Variants in NOM1 observed in about 807,000 individuals in gnomAD.
The protein encoded by NOM1 is nucleolar MIF4G domain-containing protein 1.
In NOM1, 58 loss-of-function variants were observed where a neutral mutation model predicts 73.3. The observed-to-expected ratio is 0.79, with a 90% CI of 0.64 to 0.99. The LOEUF is 0.99. Ranked by LOEUF, NOM1 falls within the 50% of genes least tolerant of loss-of-function variation. The pLI is 0.00. For synonymous variants in NOM1, 487 were observed against 446.8 expected (o/e 1.09, Z -1.14); for missense variants, 1,226 against 1,131.9 (o/e 1.08, Z -1.19).
At chr7:156,967,542 TC>T (rs55907527) in intron 9 of NOM1, among the ~76,000 whole-genome samples, 6 of 151,324 alleles carry the variant, frequency 4.0e-5, no homozygotes, top group Non-Finnish European at 7.4e-5. Flanking sequence ...TCTTTTTTCT[TC>T]CCCCCCCAAG....
chr7:156,960,624 A>G (rs1804841014), intron 4 of NOM1, among the ~76,000 whole-genome samples: 1 of 152,132 alleles, frequency 6.6e-6, no homozygotes. Flanking sequence ...GAACCCGAAA[A>G]GGGTTAGTTT....
chr7:156,954,374 G>C, intron 3 of NOM1, 76 bp downstream of exon 3: 1 of 1,263,536 alleles, frequency 7.9e-7, no homozygotes, highest in Non-Finnish European at 1.1e-6. Context: ...TGATAAGTGC[G>C]TAATTGTGTG....
At chr7:156,954,542 T>TTTTTTTTTTTTTTTTTTA (rs1804674874) in intron 3 of NOM1, among the ~76,000 whole-genome samples, 1 of 70,074 alleles carries the variant, frequency 1.4e-5, no homozygotes. Flanking sequence ...TTTTTTTTTT[T>TTTTTTTTTTTTTTTTTTA]GAGACAGGGT....
chr7:156,960,089 A>G lies in NOM1; in HGVS notation c.1547A>G (p.Asp516Gly), dbSNP rs774262034. ...LKNVGFSLRK[D>G]DALSLKELIT... is the part of the protein sequence containing the mutation. ...AACGTGGGTTTTTCATTGAGGAAAG[A>G]TGATGCTTTATCACTTAAGGAATTG... Residue 516 changes from aspartate (D) to glycine (G), a missense_variant, in exon 4 of 11, where the codon GAT (aspartate) becomes GGT (glycine). Physicochemically the swap from Asp to Gly is moderately conservative, Grantham distance 94. Coordinates refer to ENST00000275820, the MANE Select transcript of NOM1 (RefSeq NM_138400.2). 5 of 1,614,056 alleles carry G rather than the reference A, an allele frequency of 3.1e-6. No homozygotes were observed. In the South Asian group the frequency reaches 4.4e-5, roughly 14 times the overall value.
Position 156,969,180 on chromosome 7 carries a change from A to G in NOM1, c.2392A>G (p.Ser798Gly). ...LLMETEVEDL[S>G]LIFTRVSDNP... ...AATGGAAACAGAAGTTGAAGACCTCAGTTTAATTTTCACAAGGTATGTGCC... is the reference window on the plus strand; with the variant it reads ...AATGGAAACAGAAGTTGAAGACCTCGGTTTAATTTTCACAAGGTATGTGCC... The change falls in exon 10 of 11, where the codon AGT becomes GGT. Residue 798 changes from serine to glycine, a missense_variant. Coordinates refer to ENST00000275820, the MANE Select transcript of NOM1 (RefSeq NM_138400.2). 6.4e-7 allele frequency: 1 copy of G among 1,553,338 alleles called. No individual in the cohort carries two copies. The highest frequency in any genetic ancestry group is 8.9e-7 in the Non-Finnish European group (1 of 1,124,282).
chr7:156,956,034 C>CA (rs1321804879), intron 3 of NOM1, among the ~76,000 whole-genome samples: 4 of 150,764 alleles, frequency 2.7e-5, no homozygotes, highest in Non-Finnish European at 4.4e-5. Context: ...ACTAAAAATA[C>CA]AAAAAAAAAT....
intron 9 of NOM1, 173 bp from the exon 10 acceptor site, chr7:156,968,914 C>T: frequency 1.8e-6 from 1 of 556,734 alleles, no homozygotes; most frequent in South Asian, 2.0e-5. Context: ...TTCCCAAGGC[C>T]CACATCCTTG....
rs149018513 is a variant in NOM1, at chr7:156,961,961, T to G, written c.1633-190T>G. Among the ~76,000 whole-genome samples the G allele has an allele frequency of 6.2e-3, 941 of 152,230 alleles. 15 individuals carry two copies. Among genetic ancestry groups the G allele is most frequent in the African/African-American group, 0.021 (864 of 41,536 alleles). The stretch of plus-strand genomic sequence containing the variant: ...GACGTTGGGGGACACATTTCCATTT[T>G]GAAGTATTATGTAGCCCTGAGTAAG... On this transcript the variant is annotated intron_variant, in intron 4 of 10. Transcript: ENST00000275820.
In NOM1 at chr7:156,950,063, G is replaced by A. The variant is rs1476066621; in HGVS notation, c.326G>A (p.Gly109Asp). 1.9e-6 allele frequency: 3 copies of A among 1,543,740 alleles called. No homozygotes were observed. The highest frequency in any genetic ancestry group is 2.6e-6 in the Non-Finnish European group (3 of 1,146,954). Residue 109 changes from glycine to aspartate, a missense_variant, in exon 1 of 11, where the codon GGC becomes GAC. Gly to Asp is a moderately conservative substitution (Grantham distance 94, BLOSUM62 -1). Transcript: ENST00000275820. ...QRTAGPEQGP[G>D]LGGRSGAEEA... ...ACGGCGGGCCCCGAACAGGGTCCCG[G>A]CCTGGGAGGCCGAAGCGGAGCCGAA...
At chr7:156,954,875 C>T (rs1284582561) in intron 3 of NOM1, among the ~76,000 whole-genome samples, 1 of 152,186 alleles carries the variant, frequency 6.6e-6, no homozygotes, top group East Asian at 1.9e-4. Context: ...CTCAGACGTG[C>T]CTTCATTTCC....
intron 5 of NOM1, among the ~76,000 whole-genome samples, chr7:156,962,490 T>C (rs1306849706): frequency 6.6e-6 from 1 of 152,204 alleles, no homozygotes; most frequent in Non-Finnish European, 1.5e-5. Flanking sequence ...TGGGCGAGCG[T>C]CCTCTTTGCC....
At chr7:156,952,963 T>C (rs193195166) in intron 2 of NOM1, among the ~76,000 whole-genome samples, 30 of 152,230 alleles carry the variant, frequency 2.0e-4, no homozygotes, top group Admixed American at 1.0e-3. Context: ...CCTTACTCAT[T>C]GCTCATGTCT....
At chr7:156,962,357 G>T in intron 5 of NOM1, 96 bp downstream of exon 5, 1 of 1,019,354 alleles carries the variant, frequency 9.8e-7, no homozygotes, top group Non-Finnish European at 1.5e-6. Flanking sequence ...CTGCACGTCA[G>T]GGTGGTGTCT....
At chr7:156,956,193 A>C (rs1804721648) in intron 3 of NOM1, among the ~76,000 whole-genome samples, 1 of 32,680 alleles carries the variant, frequency 3.1e-5, no homozygotes, top group South Asian at 6.8e-4. Context: ...ACTCAGTCTC[A>C]AAAAAAAAAA....
At chr7:156,955,779 T>G (rs1374542246) in intron 3 of NOM1, among the ~76,000 whole-genome samples, 1 of 152,254 alleles carries the variant, frequency 6.6e-6, no homozygotes, top group Non-Finnish European at 1.5e-5. Context: ...GCAAGCATGC[T>G]TTCTACTGCA....
chr7:156,966,833 T>A (rs1805010209), intron 8 of NOM1, 128 bp from the exon 9 acceptor site: 3 of 1,036,398 alleles, frequency 2.9e-6, no homozygotes, highest in Non-Finnish European at 4.1e-6. Flanking sequence ...AGGCCACCAC[T>A]AAAAGTCTTG....
At chr7:156,968,542 G>A (rs1228941636) in intron 9 of NOM1, among the ~76,000 whole-genome samples, 1 of 152,054 alleles carries the variant, frequency 6.6e-6, no homozygotes, top group African/African-American at 2.4e-5. Flanking sequence ...GTTGGCGCCC[G>A]TGAGTCTGTT....
rs756826109 is a variant in NOM1, at chr7:156,950,226, C to T, written c.489C>T (p.Ser163=). The T allele has an allele frequency of 6.2e-7, 1 of 1,612,370 alleles. No individual in the cohort carries two copies. The stretch of plus-strand genomic sequence containing the variant: ...CCGCCACCGCAAAGACCAGACCCTC[C>T]GCAGCCGCCACCGCCGCTGCCCGGA... ...ATAATAKTRP[S]AAATAAARKR... Residue 163 remains serine (S), a synonymous_variant, in exon 1 of 11, where the codon TCC becomes TCT. Coordinates refer to ENST00000275820, the MANE Select transcript of NOM1 (RefSeq NM_138400.2).
intron 7 of NOM1, among the ~76,000 whole-genome samples, chr7:156,964,811 C>T (rs1804955026): frequency 6.6e-6 from 1 of 151,994 alleles, no homozygotes; most frequent in South Asian, 2.1e-4. Flanking sequence ...TGCCGTTTTG[C>T]CGAAAACCTC....
Sources: gnomAD v4.1 joint callset for allele counts (sites outside exome capture counted in the v4.1 genomes callset) on GRCh38, gnomAD v4.1.1 for gene constraint, MANE v1.5 for transcripts, NCBI Gene and HGNC (gene_info 2026-07-23, HGNC 2026-07-21) for gene names.